Variants in NEDD9 observed in about 807,000 individuals in gnomAD.
The protein encoded by NEDD9 is enhancer of filamentation 1.
Under a neutral mutation model 76.6 loss-of-function variants are expected in NEDD9, and 26 were observed. That is an observed-to-expected ratio of 0.34 (90% CI 0.25 to 0.47). The LOEUF is 0.47. Among genes scored for constraint, NEDD9 ranks in the 20% least tolerant of loss-of-function variants. The pLI is 1.00. For synonymous variants in NEDD9, 392 were observed against 414.2 expected (o/e 0.95, Z 0.65); for missense variants, 937 against 1,058.5 (o/e 0.89, Z 1.59).
chr6:11,360,744 CTCTTT>C (rs888776442), intron 1 of NEDD9, among the ~76,000 whole-genome samples: 5 of 152,198 alleles, frequency 3.3e-5, no homozygotes, highest in African/African-American at 1.2e-4. Context: ...CCAATTAAAC[CTCTTT>C]TCTTTATAAA....
Position 11,241,661 on chromosome 6 carries a change from TG to T in NEDD9, c.13-27935del, listed in dbSNP as rs2113290452. Among the ~76,000 whole-genome samples, 1 of 152,252 alleles carries T rather than the reference TG, an allele frequency of 6.6e-6. No homozygotes were observed. The highest frequency in any genetic ancestry group is 2.1e-4 in the South Asian group (1 of 4,818). ...AGAAGGGAGTGTTTTAAACACCAAA[TG>T]GCCACTAGTAATGCCCAGGGTACCT... is the stretch of plus-strand genomic sequence containing the variant. On this transcript the variant is annotated intron_variant, in intron 3 of 3. Coordinates refer to the NEDD9 transcript ENST00000397378. This position sits in a 1 kb window ranked among gnomAD's most constrained non-coding sequence, Gnocchi z 4.0.
At chr6:11,368,463 A>T (rs373010452) in intron 1 of NEDD9, among the ~76,000 whole-genome samples, 2 of 152,214 alleles carry the variant, frequency 1.3e-5, no homozygotes, top group Non-Finnish European at 2.9e-5. Flanking sequence ...AATAAAACAA[A>T]TGATCGCCAT....
rs540480116 is a variant in NEDD9, at chr6:11,356,819, G to A, written c.-213-22258C>T. On this transcript the variant is annotated intron_variant, in intron 1 of 3. Coordinates refer to the NEDD9 transcript ENST00000397378. ...ATAAATGTTTTATGGCCTGAATGAC[G>A]TGACCTTTCAACCATCTTTCTAAAG... is the stretch of plus-strand genomic sequence containing the variant. 3.4e-5 allele frequency among the ~76,000 whole-genome samples: 5 copies of A among 149,078 alleles called. No individual in the cohort carries two copies. The South Asian group carries it at 6.3e-4, about 19-fold the overall frequency.
intron 3 of NEDD9, among the ~76,000 whole-genome samples, chr6:11,268,736 CACACACACAGACA>C (rs969050305): frequency 6.0e-5 from 9 of 149,136 alleles, no homozygotes; most frequent in African/African-American, 2.3e-4. Flanking sequence ...CACACACACA[CACACACACAGACA>C]CACACACACA....
upstream of NEDD9, among the ~76,000 whole-genome samples, chr6:11,236,831 A>G (rs746440220): frequency 3.3e-5 from 5 of 152,272 alleles, no homozygotes; most frequent in Non-Finnish European, 5.9e-5. This position sits in a 1 kb window ranked among gnomAD's most constrained non-coding sequence, Gnocchi z 5.5. Context: ...CTCTAGTGAC[A>G]CTTCAATGGC....
chr6:11,194,706 C>T (rs1023550642), intron 2 of NEDD9, among the ~76,000 whole-genome samples: 3 of 152,194 alleles, frequency 2.0e-5, no homozygotes, highest in African/African-American at 4.8e-5. Context: ...ACAGTACCTA[C>T]GTCAAGGGAT....
chr6:11,190,741 G>C lies in NEDD9; in HGVS notation c.1128C>G (p.Thr376=), dbSNP rs148707282. 2.9e-5 allele frequency: 47 copies of C among 1,614,012 alleles called. No individual in the cohort carries two copies. The highest frequency in any genetic ancestry group is 4.0e-5 in the Non-Finnish European group (47 of 1,180,036). The stretch of plus-strand genomic sequence containing the variant: ...TGGAAGACGTGGACATGTTACTCCG[G>C]GTGCTGCCTGTACTGGAGAAAGACA... ...NRLSFSSTGS[T]RSNMSTSSTS... The change falls in exon 5 of 7, where the codon ACC becomes ACG. Residue 376 remains threonine, a synonymous_variant. Coordinates refer to ENST00000379446, the MANE Select transcript of NEDD9 (RefSeq NM_006403.4). The surrounding 1 kb of genome is among the most constrained non-coding windows in gnomAD (Gnocchi z 5.8).
At chr6:11,234,335 C>T (rs147631379), upstream of NEDD9, among the ~76,000 whole-genome samples, 14 of 152,284 alleles carry the variant, frequency 9.2e-5, no homozygotes, top group South Asian at 2.5e-3. Flanking sequence ...GATTCAAAGC[C>T]CTTCCCATCT....
intron 2 of NEDD9, among the ~76,000 whole-genome samples, chr6:11,306,952 G>A (rs1761202711): frequency 6.6e-6 from 1 of 152,188 alleles, no homozygotes; most frequent in African/African-American, 2.4e-5. Flanking sequence ...GTGTGTGTAT[G>A]TATGTGTATG....
At chr6:11,256,660 C>T (rs763297895) in intron 3 of NEDD9, among the ~76,000 whole-genome samples, 10 of 152,034 alleles carry the variant, frequency 6.6e-5, no homozygotes, top group Non-Finnish European at 1.0e-4. Flanking sequence ...GACAGGGTTT[C>T]GCCATGTTGC....
At chr6:11,283,436 A>C (rs1648360334) in intron 3 of NEDD9, among the ~76,000 whole-genome samples, 1 of 152,204 alleles carries the variant, frequency 6.6e-6, no homozygotes, top group South Asian at 2.1e-4. Context: ...TGAATGAATG[A>C]ATGGCTCAAA....
At chr6:11,244,249 CTCTT>C (rs1372337233) in intron 3 of NEDD9, among the ~76,000 whole-genome samples, 2 of 152,116 alleles carry the variant, frequency 1.3e-5, no homozygotes, top group African/African-American at 2.4e-5. Flanking sequence ...ATCTTTTACT[CTCTT>C]TCTCTTTACA....
At chr6:11,225,587 C>T (rs551819962) in intron 1 of NEDD9, among the ~76,000 whole-genome samples, 24 of 152,256 alleles carry the variant, frequency 1.6e-4, no homozygotes, top group African/African-American at 5.5e-4. Flanking sequence ...CTGCAAGCTC[C>T]GCCTCCCGGG....
chr6:11,289,945 A>AC (rs1485418312), intron 3 of NEDD9, among the ~76,000 whole-genome samples: 2 of 152,182 alleles, frequency 1.3e-5, no homozygotes, highest in African/African-American at 4.8e-5. Flanking sequence ...TCAGGCAAAA[A>AC]ATCCTATAGA....
At chr6:11,275,864 G>C (rs1363999642) in intron 3 of NEDD9, among the ~76,000 whole-genome samples, 1 of 152,146 alleles carries the variant, frequency 6.6e-6, no homozygotes, top group Non-Finnish European at 1.5e-5. Flanking sequence ...GGGGGAGGAT[G>C]TTCTTGTAGT....
At chr6:11,257,520 C>T (rs906658180) in intron 3 of NEDD9, among the ~76,000 whole-genome samples, 1 of 152,160 alleles carries the variant, frequency 6.6e-6, no homozygotes, top group Non-Finnish European at 1.5e-5. Context: ...CCCAAATAGA[C>T]CATGTGTTCT....
At position 11,251,985 on chromosome 6, in the gene NEDD9, C is replaced by T. The variant is rs7745404; in HGVS notation, c.13-38258G>A. Among the ~76,000 whole-genome samples, 572 of 152,220 alleles carry T rather than the reference C, an allele frequency of 3.8e-3. 2 individuals carry two copies. Among genetic ancestry groups the T allele is most frequent in the African/African-American group, 0.013 (553 of 41,522 alleles). ...ATGGGCAAAATTCTCCCCTCACCTT[C>T]TGCTTGCACTTCCCATCAATGCAAA... On this transcript the variant is annotated intron_variant, in intron 3 of 3. Coordinates refer to the NEDD9 transcript ENST00000397378.
At chr6:11,311,110 T>A (rs148998531) in intron 2 of NEDD9, among the ~76,000 whole-genome samples, 223 of 152,120 alleles carry the variant, frequency 1.5e-3, no homozygotes, top group East Asian at 5.4e-3. Flanking sequence ...GGTTTTCCCC[T>A]AGCTGACTGA....
chr6:11,266,907 A>G (rs67130462), intron 3 of NEDD9, among the ~76,000 whole-genome samples: 38,261 of 152,126 alleles, frequency 0.25, 5,235 homozygotes, highest in African/African-American at 0.38. Context: ...GTGTGTGTGT[A>G]GGGAATGAAT....
Sources: allele counts gnomAD v4.1 joint callset (sites outside exome capture counted in the v4.1 genomes callset), GRCh38; gene constraint gnomAD v4.1.1; non-coding constraint Gnocchi (gnomAD v3.1); transcripts MANE v1.5; gene names NCBI Gene and HGNC (gene_info 2026-07-23, HGNC 2026-07-21).